SLC8A1: variants seen among roughly 807,000 people sequenced by gnomAD.
SLC8A1 encodes solute carrier family 8 member A1, also known as sodium/calcium exchanger 1.
In SLC8A1, 18 loss-of-function variants were observed where a neutral mutation model predicts 68.3. The observed-to-expected ratio is 0.26, with a 90% CI of 0.18 to 0.39. The LOEUF is 0.39. SLC8A1 is among the 10% of genes least tolerant of loss of function. The pLI is 1.00. For synonymous variants in SLC8A1, 475 were observed against 415.5 expected, an observed-to-expected ratio of 1.14 and a Z score of -1.74; for missense variants, 985 against 1,156.7, an observed-to-expected ratio of 0.85 and a Z score of 2.15.
At chr2:40,186,038 G>A (rs2050641268) in intron 2 of SLC8A1, among the ~76,000 whole-genome samples, 1 of 152,172 alleles carries the variant, frequency 6.6e-6, no homozygotes, top group Non-Finnish European at 1.5e-5. Flanking sequence ...CAAGGACTAA[G>A]TTGTACTTTG....
intron 6 of SLC8A1, among the ~76,000 whole-genome samples, chr2:40,159,484 A>G (rs1573355751): frequency 1.3e-5 from 2 of 152,220 alleles, no homozygotes; most frequent in East Asian, 3.8e-4. Flanking sequence ...CAAGGCCCAT[A>G]AAAGAGTTTG....
intron 2 of SLC8A1, chr2:40,209,089 G>A (rs1456074087): frequency 1.3e-5 from 2 of 152,110 alleles, no homozygotes; most frequent in Non-Finnish European, 2.9e-5. Flanking sequence ...TGAGACAGGT[G>A]CATGTAATAT....
rs143578892 is a variant in SLC8A1 at position 40,481,445 on chromosome 2, G to A, written c.-25+30904C>T. ...AATTATTTAGTCTGCTTGATCTTTA[G>A]TTTTCTTGTTTATAAAAATAAGAGT... On this transcript the variant is annotated intron_variant, in intron 1 of 7. Coordinates refer to the SLC8A1 transcript ENST00000402441. Among the ~76,000 whole-genome samples the A allele has an allele frequency of 6.0e-3, 907 of 152,226 alleles. 23 individuals are homozygous for A. Among genetic ancestry groups the A allele is most frequent in the Admixed American group, 0.04 (609 of 15,284 alleles).
chr2:40,143,527 G>A (rs143649754), intron 6 of SLC8A1, among the ~76,000 whole-genome samples: 1 of 152,240 alleles, frequency 6.6e-6, no homozygotes, highest in East Asian at 1.9e-4. Context: ...TTCAGCTAAT[G>A]GAAAATAACC....
intron 1 of SLC8A1, among the ~76,000 whole-genome samples, chr2:40,478,481 CTATT>C (rs1704427405): frequency 6.6e-6 from 1 of 152,116 alleles, no homozygotes; most frequent in Admixed American, 6.5e-5. Flanking sequence ...TAAAAAATAA[CTATT>C]TAAAGCAACA....
At chr2:40,110,992 C>T (rs544879631) in exon 8 of SLC8A1, 2 of 152,118 alleles carry the variant, frequency 1.3e-5, no homozygotes, top group African/African-American at 2.4e-5. Context: ...GAATCAAGAC[C>T]CCTGTGGAAA....
At chr2:40,324,037 G>C (rs114485522) in intron 2 of SLC8A1, among the ~76,000 whole-genome samples, 7 of 151,130 alleles carry the variant, frequency 4.6e-5, no homozygotes, top group South Asian at 4.2e-4. Context: ...GTGGGGGGGG[G>C]GCTGTTAACA....
chr2:40,139,460 A>G (rs1029506045), exon 7 of SLC8A1: 10 of 1,614,070 alleles, frequency 6.2e-6, no homozygotes, highest in Admixed American at 1.7e-5. Flanking sequence ...TTTCAGGCCA[A>G]TGGTGCAGCC....
intron 2 of SLC8A1, among the ~76,000 whole-genome samples, chr2:40,279,797 C>A (rs1362744802): frequency 6.6e-6 from 1 of 152,124 alleles, no homozygotes; most frequent in African/African-American, 2.4e-5. Flanking sequence ...GGGAGGTGAG[C>A]TCTCACGTGC....
chr2:40,431,773 A>G (rs1698363242), intron 1 of SLC8A1, among the ~76,000 whole-genome samples: 1 of 152,128 alleles, frequency 6.6e-6, no homozygotes, highest in Admixed American at 6.5e-5. Context: ...GAGCCACCCC[A>G]CATTCGCCTA....
At chr2:40,171,561 G>T (rs890392358) in intron 4 of SLC8A1, among the ~76,000 whole-genome samples, 1 of 152,146 alleles carries the variant, frequency 6.6e-6, no homozygotes, top group African/African-American at 2.4e-5. Flanking sequence ...GATACATGTG[G>T]GTTTTGAGTA....
rs530920579 is a variant in SLC8A1 at position 40,405,504 on chromosome 2, G to A, written c.1808+22969C>T. ...AGTTGTCCGCTTTTCCAGCACATCC[G>A]ACTAACTAGAATTCTTGGGAGATCC... On this transcript the variant is annotated intron_variant, in intron 2 of 7. Coordinates refer to ENST00000406785, the Ensembl canonical transcript of SLC8A1. Among the ~76,000 whole-genome samples, 14 of 152,220 alleles carry A rather than the reference G, an allele frequency of 9.2e-5. No individual in the cohort carries two copies. The South Asian group carries it at 1.9e-3, about 20-fold the overall frequency.
At chr2:40,375,675 C>CT (rs1679577158) in intron 2 of SLC8A1, among the ~76,000 whole-genome samples, 1 of 152,036 alleles carries the variant, frequency 6.6e-6, no homozygotes, top group Admixed American at 6.6e-5. Flanking sequence ...CCCAAAGAAA[C>CT]TGAAACAAGT....
intron 2 of SLC8A1, chr2:40,189,916 G>A (rs934704145): frequency 6.6e-6 from 1 of 151,992 alleles, no homozygotes; most frequent in African/African-American, 2.4e-5. Flanking sequence ...CTTTCTATTG[G>A]CTTGTATGGA....
At chr2:40,456,316 CAAAA>C (rs67747641), upstream of SLC8A1, among the ~76,000 whole-genome samples, 1 of 102,450 alleles carries the variant, frequency 9.8e-6, no homozygotes, top group African/African-American at 3.6e-5. Flanking sequence ...GACTCCGTCT[CAAAA>C]AAAAAAAAAA....
At chr2:40,331,618 G>T (rs2076418512) in intron 2 of SLC8A1, among the ~76,000 whole-genome samples, 1 of 151,470 alleles carries the variant, frequency 6.6e-6, no homozygotes, top group African/African-American at 2.4e-5. Context: ...TTTTGAGACG[G>T]AGTCTCGCTC....
At chr2:40,241,289 G>C (rs922192321) in intron 2 of SLC8A1, among the ~76,000 whole-genome samples, 10 of 152,090 alleles carry the variant, frequency 6.6e-5, no homozygotes, top group Admixed American at 6.5e-4. Context: ...ACAAATGGGA[G>C]ATAATCACTG....
intron 2 of SLC8A1, among the ~76,000 whole-genome samples, chr2:40,259,883 G>A (rs1314916810): frequency 6.6e-6 from 1 of 152,046 alleles, no homozygotes. Context: ...GACCCTCAGT[G>A]CTTCCATGTT....
intron 2 of SLC8A1, among the ~76,000 whole-genome samples, chr2:40,313,878 GTTTTC>G (rs1461457445): frequency 6.6e-6 from 1 of 151,790 alleles, no homozygotes; most frequent in Non-Finnish European, 1.5e-5. Context: ...TTTTTGCTGT[GTTTTC>G]TTAATTGTTA....
Sources: allele counts gnomAD v4.1 joint callset (sites outside exome capture counted in the v4.1 genomes callset), GRCh38; gene constraint gnomAD v4.1.1; transcripts MANE v1.5; gene names NCBI Gene and HGNC (gene_info 2026-07-23, HGNC 2026-07-21).